Variants in CDH6 observed in about 807,000 individuals in gnomAD.
CDH6 encodes cadherin 6, also known as cadherin-6.
A neutral mutation model predicts 78.0 loss-of-function variants in CDH6; 31 were observed. The ratio of observed to expected loss-of-function variants is 0.40; its 90% CI spans 0.30 to 0.54. CDH6 has a LOEUF of 0.54. Ranked by LOEUF, CDH6 falls within the 20% of genes least tolerant of loss-of-function variation. The pLI is 0.56. For synonymous variants in CDH6, 376 were observed against 368.8 expected, an observed-to-expected ratio of 1.02 and a Z score of -0.23; for missense variants, 724 against 975.9, an observed-to-expected ratio of 0.74 and a Z score of 3.44.
At chr5:31,242,390 G>T (rs777010716) in intron 1 of CDH6, among the ~76,000 whole-genome samples, 1 of 152,078 alleles carries the variant, frequency 6.6e-6, no homozygotes, top group Non-Finnish European at 1.5e-5. Context: ...CTCAACTCTT[G>T]CTGGAACTGA....
chr5:31,291,386 A>T (rs961999962), intron 2 of CDH6, among the ~76,000 whole-genome samples: 1 of 152,236 alleles, frequency 6.6e-6, no homozygotes, highest in Non-Finnish European at 1.5e-5. Context: ...TTTGTAATCT[A>T]TAAGACCCAT....
Position 31,290,041 on chromosome 5 carries a change from G to A in CDH6, c.229-3921G>A, listed in dbSNP as rs1015545348. Among the ~76,000 whole-genome samples the A allele has an allele frequency of 3.3e-5, 5 of 152,002 alleles. 1 individual carries two copies. The highest frequency in any genetic ancestry group is 1.2e-4 in the African/African-American group (5 of 41,480). The stretch of plus-strand genomic sequence containing the variant: ...GAGGCCCAAGGCGGACAGATCACTT[G>A]AGGTCAGGAGTTTGAGACCAGCCTG... On this transcript the variant is annotated intron_variant, in intron 2 of 11. Transcript: ENST00000265071.
At chr5:31,305,517 T>G in intron 7 of CDH6, 90 bp downstream of exon 7, 1 of 1,353,754 alleles carries the variant, frequency 7.4e-7, no homozygotes, top group Non-Finnish European at 1.0e-6. Flanking sequence ...GATGAATCCC[T>G]TTTGTTCCAA....
intron 1 of CDH6, among the ~76,000 whole-genome samples, chr5:31,228,958 G>C (rs1363899446): frequency 6.6e-6 from 1 of 152,156 alleles, no homozygotes; most frequent in Non-Finnish European, 1.5e-5. Flanking sequence ...ATCTCTCATA[G>C]GGCATAAAAA....
At chr5:31,302,886 G>GGAAAGAAAGAAAAAAAGAAA (rs1737838721) in intron 6 of CDH6, among the ~76,000 whole-genome samples, 1 of 64,322 alleles carries the variant, frequency 1.6e-5, no homozygotes, top group African/African-American at 6.8e-5. Flanking sequence ...AAGGAAGGAA[G>GGAAAGAAAGAAAAAAAGAAA]GAAAGAAAGA....
chr5:31,201,657 C>T (rs1579807018), intron 1 of CDH6, among the ~76,000 whole-genome samples: 1 of 152,080 alleles, frequency 6.6e-6, no homozygotes, highest in African/African-American at 2.4e-5. Flanking sequence ...AAAAATAAAA[C>T]TGTTAATGTT....
intron 1 of CDH6, among the ~76,000 whole-genome samples, chr5:31,253,916 T>A (rs1230989104): frequency 2.0e-5 from 3 of 151,878 alleles, no homozygotes; most frequent in Non-Finnish European, 2.9e-5. Context: ...AAAAGGTAAA[T>A]ACAGTAATCC....
At position 31,317,751 on chromosome 5, in the gene CDH6, T is replaced by C; in HGVS notation, c.1709T>C (p.Ile570Thr). The C allele has an allele frequency of 1.2e-6, 2 of 1,614,172 alleles. No homozygotes were observed. Among genetic ancestry groups the C allele is most frequent in the Non-Finnish European group, 1.7e-6 (2 of 1,180,024 alleles). ...AGCACCTATCTCTTGCCTGTGGTCA[T>C]TTCAGACAACGACTACCCAGTTCAA... ...EMSTYLLPVV[I>T]SDNDYPVQSS... Residue 570 changes from isoleucine to threonine, a missense_variant, in exon 11 of 12, where the codon ATT (isoleucine) becomes ACT (threonine). Physicochemically the swap from Ile to Thr is moderately conservative, Grantham distance 89. Coordinates refer to ENST00000265071, the MANE Select transcript of CDH6 (RefSeq NM_004932.4).
chr5:31,320,079 G>A (rs1238121066), intron 11 of CDH6, among the ~76,000 whole-genome samples: 1 of 152,160 alleles, frequency 6.6e-6, no homozygotes, highest in Non-Finnish European at 1.5e-5. Context: ...AAAAGGGTAA[G>A]GGAAAGGGGG....
At chr5:31,225,550 C>T (rs1403645810) in intron 1 of CDH6, among the ~76,000 whole-genome samples, 3 of 151,388 alleles carry the variant, frequency 2.0e-5, no homozygotes. Context: ...TGGTGGTTGG[C>T]GAAGGGGAAG....
intron 6 of CDH6, among the ~76,000 whole-genome samples, chr5:31,303,275 C>T (rs1737885072): frequency 6.6e-6 from 1 of 152,008 alleles, no homozygotes; most frequent in Non-Finnish European, 1.5e-5. Flanking sequence ...GACAAGGAGC[C>T]AAGTAAACAA....
rs571639192 is a variant in CDH6, at chr5:31,202,485, A to C, written c.-129+8599A>C. Among the ~76,000 whole-genome samples, 4 of 152,020 alleles carry C rather than the reference A, an allele frequency of 2.6e-5. No individual in the cohort carries two copies. In the South Asian group the frequency reaches 8.3e-4, roughly 32 times the overall value. Reference sequence around the variant, plus strand: ...CCCCATCTCTACTAAAAATACAAAAAACTTAGCCAGATATGGTGGCAGGCA... The same window carrying C: ...CCCCATCTCTACTAAAAATACAAAACACTTAGCCAGATATGGTGGCAGGCA... On this transcript the variant is annotated intron_variant, in intron 1 of 11. Transcript: ENST00000265071.
Position 31,323,376 on chromosome 5 carries a change from C to A in CDH6, c.*68C>A. ...GAAGTGGCTATTTCTTTATATTTAT[C>A]CACTACTCCGTGAAGGCTTCTCTGT... On this transcript the variant is annotated 3_prime_UTR_variant, in exon 12 of 12. Transcript: ENST00000265071. 1 of 1,512,980 alleles carries A rather than the reference C, an allele frequency of 6.6e-7. No individual in the cohort carries two copies. Among genetic ancestry groups the A allele is most frequent in the African/African-American group, 1.4e-5 (1 of 72,258 alleles). 93.7% of individuals were successfully genotyped at this position (1,512,980 alleles called of 1,614,324 possible).
At chr5:31,290,838 C>T (rs1029015666) in intron 2 of CDH6, among the ~76,000 whole-genome samples, 1 of 152,090 alleles carries the variant, frequency 6.6e-6, no homozygotes, top group African/African-American at 2.4e-5. Context: ...TCAGACGATG[C>T]AAAGAGAAGA....
At chr5:31,221,400 A>G (rs1741000578) in intron 1 of CDH6, among the ~76,000 whole-genome samples, 2 of 152,232 alleles carry the variant, frequency 1.3e-5, no homozygotes, top group African/African-American at 4.8e-5. Context: ...TTCTATTCAG[A>G]AAGAATTAAC....
At chr5:31,276,032 C>G (rs1322609445) in intron 2 of CDH6, among the ~76,000 whole-genome samples, 2 of 152,222 alleles carry the variant, frequency 1.3e-5, no homozygotes, top group Admixed American at 6.5e-5. Flanking sequence ...GGGGGCAACT[C>G]TGTGTGTGTT....
At chr5:31,290,208 C>T (rs1271013932) in intron 2 of CDH6, among the ~76,000 whole-genome samples, 2 of 152,080 alleles carry the variant, frequency 1.3e-5, no homozygotes, top group African/African-American at 4.8e-5. Context: ...TGCAGTGAGC[C>T]GAGATCGCAC....
intron 2 of CDH6, among the ~76,000 whole-genome samples, chr5:31,293,431 A>AC (rs1737474672): frequency 6.6e-6 from 1 of 152,144 alleles, no homozygotes; most frequent in African/African-American, 2.4e-5. Context: ...CTAAAGACTC[A>AC]AGGAGGTTGC....
chr5:31,207,248 A>T (rs972177355), intron 1 of CDH6, among the ~76,000 whole-genome samples: 1 of 152,200 alleles, frequency 6.6e-6, no homozygotes, highest in East Asian at 1.9e-4. Flanking sequence ...TTAGAAAGTT[A>T]TTCTTTCAGA....
Sources: gnomAD v4.1 joint callset for allele counts (sites outside exome capture counted in the v4.1 genomes callset) on GRCh38, gnomAD v4.1.1 for gene constraint, MANE v1.5 for transcripts, NCBI Gene and HGNC (gene_info 2026-07-23, HGNC 2026-07-21) for gene names.